The following RNF150 variants were observed in gnomAD, a reference collection of about 807,000 sequenced individuals.
The protein encoded by RNF150 is ring finger protein 150.
In RNF150, 24 loss-of-function variants were observed where a neutral mutation model predicts 39.3. That is an observed-to-expected ratio of 0.61 (90% CI 0.44 to 0.86). The LOEUF (loss-of-function observed/expected upper bound fraction) is 0.86. Ranked by LOEUF, RNF150 falls within the 40% of genes least tolerant of loss-of-function variation. The probability of loss-of-function intolerance (pLI) is 0.00; values close to 1 mark genes in which losing one functional copy is unlikely to be tolerated. For synonymous variants in RNF150, 255 were observed against 227.3 expected, an observed-to-expected ratio of 1.12 and a Z score of -1.10; for missense variants, 502 against 587.8, an observed-to-expected ratio of 0.85 and a Z score of 1.51.
intron 1 of RNF150, among the ~76,000 whole-genome samples, chr4:141,004,296 G>A (rs1734785968): frequency 6.6e-6 from 1 of 151,554 alleles, no homozygotes. Context: ...AAGAAGGAAA[G>A]GAATGAGATT....
At chr4:141,069,941 TTCTC>T (rs1177345712) in intron 1 of RNF150, among the ~76,000 whole-genome samples, 2 of 152,196 alleles carry the variant, frequency 1.3e-5, no homozygotes, top group South Asian at 2.1e-4. Context: ...TATTTGATTC[TTCTC>T]TCTTTTTTTC....
rs368643074 is a variant in RNF150, at chr4:141,145,046, TG to T, written c.-6+67747del. ...TGACGTCTAGATTAAAATACAATCTTGGTCATATAAGACATTTACCTCATAT... is the reference window on the plus strand; with the variant it reads ...TGACGTCTAGATTAAAATACAATCTTGTCATATAAGACATTTACCTCATAT... On this transcript the variant is annotated intron_variant, in intron 1 of 7. Coordinates refer to the RNF150 transcript ENST00000420921. 1.8e-3 allele frequency among the ~76,000 whole-genome samples: 277 copies of T among 152,280 alleles called. 2 individuals carry two copies. The East Asian group carries it at 0.023, about 13-fold the overall frequency.
chr4:141,092,963 A>C (rs1389943360), intron 1 of RNF150, among the ~76,000 whole-genome samples: 2 of 152,138 alleles, frequency 1.3e-5, no homozygotes. Flanking sequence ...GGTAAGCTAA[A>C]ACTGAAGGGC....
intron 1 of RNF150, among the ~76,000 whole-genome samples, chr4:141,162,174 C>T (rs1340932060): frequency 9.9e-5 from 15 of 152,148 alleles, no homozygotes; most frequent in Admixed American, 9.8e-4. Context: ...GCCACAGGGG[C>T]AGAACTGCCT....
At chr4:141,011,115 G>T (rs2110747195) in intron 1 of RNF150, among the ~76,000 whole-genome samples, 1 of 151,662 alleles carries the variant, frequency 6.6e-6, no homozygotes, top group East Asian at 1.9e-4. Flanking sequence ...TCTCAATAAT[G>T]AAAAAACTTA....
At position 140,929,602 on chromosome 4, in the gene RNF150, G is replaced by A. The variant is rs190693524; in HGVS notation, c.891-3529C>T. On this transcript the variant is annotated intron_variant, in intron 4 of 6. Transcript: ENST00000515673. ...AGGATGGTCTCGATCTCCTGAACTC[G>A]TGATCCACTTGCCTCGGCCTCCCAA... 2.0e-3 allele frequency among the ~76,000 whole-genome samples: 310 copies of A among 151,902 alleles called. 1 individual carries two copies. Among genetic ancestry groups the A allele is most frequent in the African/African-American group, 4.7e-3 (195 of 41,462 alleles).
At chr4:141,181,786 T>C (rs1235497305) in intron 1 of RNF150, among the ~76,000 whole-genome samples, 1 of 152,188 alleles carries the variant, frequency 6.6e-6, no homozygotes, top group East Asian at 1.9e-4. Flanking sequence ...TGCTGCATGG[T>C]AATTGGGCAT....
At chr4:141,197,177 A>G (rs1183145041) in intron 1 of RNF150, among the ~76,000 whole-genome samples, 2 of 152,174 alleles carry the variant, frequency 1.3e-5, no homozygotes, top group South Asian at 2.1e-4. Context: ...TAATCTCAAA[A>G]TTTTAGTGAA....
At chr4:141,129,367 C>T (rs1209000489) in intron 1 of RNF150, among the ~76,000 whole-genome samples, 1 of 152,120 alleles carries the variant, frequency 6.6e-6, no homozygotes, top group Non-Finnish European at 1.5e-5. Context: ...TCACAGAAGT[C>T]CACATATTAT....
At chr4:141,077,480 T>G (rs1737939481) in intron 1 of RNF150, among the ~76,000 whole-genome samples, 1 of 152,204 alleles carries the variant, frequency 6.6e-6, no homozygotes, top group Non-Finnish European at 1.5e-5. Flanking sequence ...GCTATGTAAC[T>G]CTTATGAAAA....
At chr4:140,901,604 C>G (rs1730189998) in intron 6 of RNF150, among the ~76,000 whole-genome samples, 1 of 152,190 alleles carries the variant, frequency 6.6e-6, no homozygotes, top group Non-Finnish European at 1.5e-5. Context: ...ATTTACTCAT[C>G]CAACTGACGT....
At chr4:140,922,783 T>C (rs1225012329) in intron 5 of RNF150, among the ~76,000 whole-genome samples, 2 of 151,440 alleles carry the variant, frequency 1.3e-5, no homozygotes, top group East Asian at 3.9e-4. Context: ...TATAGACCAA[T>C]GGAACAGAAC....
chr4:140,968,195 C>T (rs1733324932), intron 1 of RNF150, among the ~76,000 whole-genome samples: 2 of 152,006 alleles, frequency 1.3e-5, no homozygotes, highest in South Asian at 4.1e-4. Context: ...TAAAGGTGGA[C>T]CCTTCCCAAC....
chr4:141,206,764 G>A (rs950592468), intron 1 of RNF150, among the ~76,000 whole-genome samples: 51 of 152,046 alleles, frequency 3.4e-4, no homozygotes, highest in African/African-American at 1.2e-3. Flanking sequence ...TGGCTCACAT[G>A]ATTACAAGGC....
chr4:141,078,723 G>A (rs1738012554), intron 1 of RNF150, among the ~76,000 whole-genome samples: 1 of 146,868 alleles, frequency 6.8e-6, no homozygotes, highest in Non-Finnish European at 1.5e-5. Context: ...CCAGGCGGTG[G>A]AGCTTGCAGT....
At chr4:141,046,906 T>G (rs1239753919) in intron 1 of RNF150, among the ~76,000 whole-genome samples, 1 of 152,052 alleles carries the variant, frequency 6.6e-6, no homozygotes, top group Non-Finnish European at 1.5e-5. Context: ...ATTGTCTTAT[T>G]TTTTCAGGCT....
intron 1 of RNF150, among the ~76,000 whole-genome samples, chr4:141,096,138 G>A (rs1403644121): frequency 1.3e-5 from 2 of 150,820 alleles, no homozygotes; most frequent in African/African-American, 2.4e-5. Context: ...GGTAACACAG[G>A]AGTGGTGTGC....
At chr4:140,930,837 A>G (rs1272650427) in intron 4 of RNF150, among the ~76,000 whole-genome samples, 1 of 152,204 alleles carries the variant, frequency 6.6e-6, no homozygotes, top group Admixed American at 6.5e-5. Flanking sequence ...AGAGCTGGGT[A>G]CAAAGATGAA....
intron 1 of RNF150, among the ~76,000 whole-genome samples, chr4:140,976,502 A>G (rs1733670272): frequency 6.6e-6 from 1 of 151,812 alleles, no homozygotes; most frequent in Non-Finnish European, 1.5e-5. Context: ...TGCTCCCTAG[A>G]CACACATTCC....
Sources: gnomAD v4.1 joint callset for allele counts (sites outside exome capture counted in the v4.1 genomes callset) on GRCh38, gnomAD v4.1.1 for gene constraint, MANE v1.5 for transcripts, NCBI Gene and HGNC (gene_info 2026-07-23, HGNC 2026-07-21) for gene names.